Variants in TAFA1 observed in about 807,000 individuals in gnomAD.
TAFA1 encodes chemokine-like protein TAFA-1.
A neutral mutation model predicts 18.5 loss-of-function variants in TAFA1; 4 were observed. That is an observed-to-expected ratio of 0.22 (90% CI 0.11 to 0.49). The LOEUF (loss-of-function observed/expected upper bound fraction) is 0.49. Ranked by LOEUF, TAFA1 falls within the 20% of genes least tolerant of loss-of-function variation. The probability of loss-of-function intolerance (pLI) is 0.98; values close to 1 mark genes in which losing one functional copy is unlikely to be tolerated. For missense variants in TAFA1, 147 were observed against 169.0 expected (o/e 0.87, Z 0.72); for synonymous variants, 56 against 55.2 (o/e 1.01, Z -0.06).
At chr3:68,470,157 A>G (rs1325623068) in intron 3 of TAFA1, among the ~76,000 whole-genome samples, 1 of 152,216 alleles carries the variant, frequency 6.6e-6, no homozygotes, top group Non-Finnish European at 1.5e-5. Flanking sequence ...TTCCTGCACA[A>G]GCTCTCTTGC....
intron 2 of TAFA1, among the ~76,000 whole-genome samples, chr3:68,143,961 T>C (rs1308489780): frequency 1.3e-5 from 2 of 152,046 alleles, no homozygotes; most frequent in Non-Finnish European, 2.9e-5. Context: ...ATGCTCTTTA[T>C]GTCAGCAGGA....
chr3:68,255,882 A>G (rs900744505), intron 2 of TAFA1, among the ~76,000 whole-genome samples: 5 of 152,128 alleles, frequency 3.3e-5, no homozygotes, highest in African/African-American at 1.2e-4. Context: ...TTTCAGTGTT[A>G]ACAAACACTT....
chr3:68,400,153 T>A (rs764338638), intron 2 of TAFA1, among the ~76,000 whole-genome samples: 53 of 152,210 alleles, frequency 3.5e-4, no homozygotes, highest in Non-Finnish European at 6.2e-4. Context: ...GGAGCTGTTG[T>A]TCATTTGCAC....
At chr3:68,486,785 G>A (rs140275109) in intron 3 of TAFA1, among the ~76,000 whole-genome samples, 2 of 152,066 alleles carry the variant, frequency 1.3e-5, no homozygotes, top group African/African-American at 4.8e-5. Context: ...TTGATATCTG[G>A]GCACATACAC....
chr3:68,311,876 C>G (rs990032940), intron 2 of TAFA1, among the ~76,000 whole-genome samples: 8 of 152,230 alleles, frequency 5.3e-5, no homozygotes, highest in African/African-American at 1.9e-4. Flanking sequence ...CTACATTTCC[C>G]TTCCACACTA....
At chr3:68,472,879 G>T (rs2072026781) in intron 3 of TAFA1, among the ~76,000 whole-genome samples, 1 of 152,074 alleles carries the variant, frequency 6.6e-6, no homozygotes, top group Non-Finnish European at 1.5e-5. Flanking sequence ...CATCATTCAA[G>T]CTTTAAGCAG....
At chr3:68,392,832 G>C (rs1199196459) in intron 2 of TAFA1, among the ~76,000 whole-genome samples, 1 of 152,164 alleles carries the variant, frequency 6.6e-6, no homozygotes, top group Non-Finnish European at 1.5e-5. Flanking sequence ...CAACGTACCA[G>C]AATCTCTGGG....
chr3:68,008,520 G>C (rs921890752), intron 2 of TAFA1, among the ~76,000 whole-genome samples: 1 of 152,114 alleles, frequency 6.6e-6, no homozygotes, highest in African/African-American at 2.4e-5. Flanking sequence ...CTTTCGCCCA[G>C]GAAACAGAAG....
intron 2 of TAFA1, among the ~76,000 whole-genome samples, chr3:68,124,004 C>T (rs187725709): frequency 6.7e-6 from 1 of 149,870 alleles, no homozygotes; most frequent in African/African-American, 2.5e-5. Context: ...CAGGTCAGAC[C>T]ATTGGACTAT....
intron 3 of TAFA1, among the ~76,000 whole-genome samples, chr3:68,453,623 C>A (rs2071604810): frequency 6.6e-6 from 1 of 152,118 alleles, no homozygotes; most frequent in South Asian, 2.1e-4. Flanking sequence ...TACAGCTAGG[C>A]CATTTGGCAA....
At chr3:68,521,570 G>T (rs2073021771) in intron 3 of TAFA1, among the ~76,000 whole-genome samples, 1 of 152,098 alleles carries the variant, frequency 6.6e-6, no homozygotes, top group African/African-American at 2.4e-5. Context: ...CCTAAAAGAA[G>T]GAAGACTTAA....
chr3:68,312,521 G>A (rs1260812551), intron 2 of TAFA1, among the ~76,000 whole-genome samples: 1 of 152,064 alleles, frequency 6.6e-6, no homozygotes, highest in Non-Finnish European at 1.5e-5. Flanking sequence ...TCTAGCTCAG[G>A]GACAAAATGT....
At chr3:68,400,236 A>G (rs1211713943) in intron 2 of TAFA1, among the ~76,000 whole-genome samples, 1 of 152,202 alleles carries the variant, frequency 6.6e-6, no homozygotes, top group Non-Finnish European at 1.5e-5. Context: ...CAAAAGAGGG[A>G]ATGAGACATA....
chr3:68,515,550 G>A (rs2106738574), intron 3 of TAFA1, among the ~76,000 whole-genome samples: 1 of 152,234 alleles, frequency 6.6e-6, no homozygotes, highest in East Asian at 1.9e-4. Context: ...AGAAGAGAAG[G>A]GAGCAGATGC....
intron 3 of TAFA1, among the ~76,000 whole-genome samples, chr3:68,472,714 A>G (rs567320181): frequency 3.3e-5 from 5 of 152,292 alleles, no homozygotes; most frequent in African/African-American, 9.6e-5. Flanking sequence ...TTGCATGTAA[A>G]TACATAATTA....
chr3:68,071,474 C>T (rs1189241049), intron 2 of TAFA1, among the ~76,000 whole-genome samples: 1 of 152,108 alleles, frequency 6.6e-6, no homozygotes, highest in Non-Finnish European at 1.5e-5. Context: ...GAAATCACAT[C>T]ATCAGTGGGG....
At chr3:68,205,025 A>G (rs567220477) in intron 2 of TAFA1, among the ~76,000 whole-genome samples, 1 of 151,976 alleles carries the variant, frequency 6.6e-6, no homozygotes, top group African/African-American at 2.4e-5. Context: ...ATACAGTGTA[A>G]AACTGACCTT....
At chr3:68,113,763 C>T (rs1003863743) in intron 2 of TAFA1, among the ~76,000 whole-genome samples, 2 of 152,100 alleles carry the variant, frequency 1.3e-5, no homozygotes, top group African/African-American at 4.8e-5. Context: ...CCTGGCCATT[C>T]ATTTCCTCCT....
intron 3 of TAFA1, among the ~76,000 whole-genome samples, chr3:68,482,177 A>AT (rs199527274): frequency 0.027 from 4,120 of 152,118 alleles, 76 homozygotes; most frequent in Non-Finnish European, 0.045. Context: ...TGCCTGGCTA[A>AT]TTTTTTGTAT....
Sources: allele counts gnomAD v4.1 joint callset (sites outside exome capture counted in the v4.1 genomes callset), GRCh38; gene constraint gnomAD v4.1.1; transcripts MANE v1.5; gene names NCBI Gene and HGNC (gene_info 2026-07-23, HGNC 2026-07-21).